MPZL1: variants seen among roughly 807,000 people sequenced by gnomAD.
The protein encoded by MPZL1 is myelin protein zero like 1.
In MPZL1, 16 loss-of-function variants were observed where a neutral mutation model predicts 29.3. The ratio of observed to expected loss-of-function variants is 0.55; its 90% CI spans 0.37 to 0.83. The LOEUF is 0.83. Among genes scored for constraint, MPZL1 ranks in the 40% least tolerant of loss-of-function variants. MPZL1 has a pLI of 0.00. For missense variants in MPZL1, 279 were observed against 332.9 expected (o/e 0.84, Z 1.26); for synonymous variants, 143 against 132.0 (o/e 1.08, Z -0.57).
intron 1 of MPZL1, among the ~76,000 whole-genome samples, chr1:167,728,579 A>G (rs1272524386): frequency 2.0e-5 from 3 of 152,234 alleles, no homozygotes; most frequent in East Asian, 1.9e-4. Context: ...TCTTGATCCC[A>G]TTAGGCCTTT....
intron 1 of MPZL1, among the ~76,000 whole-genome samples, chr1:167,739,284 T>TATATATATATATATATACACATATATAC (rs1660458035): frequency 1.4e-5 from 1 of 73,998 alleles, no homozygotes; most frequent in African/African-American, 5.4e-5. Flanking sequence ...CATATATACA[T>TATATATATATATATATACACATATATAC]ATATATATAT....
intron 5 of MPZL1, among the ~76,000 whole-genome samples, chr1:167,779,100 C>A (rs1661434351): frequency 6.7e-6 from 1 of 150,116 alleles, no homozygotes; most frequent in Non-Finnish European, 1.5e-5. Flanking sequence ...CCAGCCTGGG[C>A]AACAGAGCGA....
chr1:167,785,828 T>C (rs1661579329), intron 5 of MPZL1, among the ~76,000 whole-genome samples: 1 of 152,204 alleles, frequency 6.6e-6, no homozygotes, highest in African/African-American at 2.4e-5. Flanking sequence ...AGTCTCGCTT[T>C]GTCACCCGGG....
intron 1 of MPZL1, among the ~76,000 whole-genome samples, chr1:167,759,764 G>A (rs559201825): frequency 6.6e-6 from 1 of 152,226 alleles, no homozygotes; most frequent in African/African-American, 2.4e-5. Flanking sequence ...TGATTTCCTG[G>A]GATACCTTTG....
intron 1 of MPZL1, among the ~76,000 whole-genome samples, chr1:167,753,741 T>A (rs1218950367): frequency 1.3e-5 from 2 of 151,996 alleles, no homozygotes; most frequent in Admixed American, 6.6e-5. Context: ...GCGATTCTCC[T>A]ACCTCAGTCT....
intron 5 of MPZL1, among the ~76,000 whole-genome samples, chr1:167,783,459 CA>C (rs1350688165): frequency 2.0e-5 from 3 of 152,098 alleles, no homozygotes; most frequent in Admixed American, 6.5e-5. Context: ...GCTCTGTATG[CA>C]AAAGGTAGGT....
chr1:167,788,880 T>G lies in MPZL1; in HGVS notation c.*959T>G, dbSNP rs1661647286. The G allele has an allele frequency of 1.1e-4, 1 of 9,400 alleles. No individual in the cohort carries two copies. Among genetic ancestry groups the G allele is most frequent in the African/African-American group, 1.3e-3 (1 of 764 alleles). 0.6% of individuals were successfully genotyped at this position (9,400 alleles called of 1,614,324 possible). ...TCTCTAGAGAATCACCTTCTTTCGC[T>G]TTTTTTTTTTTTTTTGAGGTAGAGT... On this transcript the variant is annotated 3_prime_UTR_variant, in exon 6 of 6. Coordinates refer to ENST00000359523, the MANE Select transcript of MPZL1 (RefSeq NM_003953.6).
intron 1 of MPZL1, among the ~76,000 whole-genome samples, chr1:167,728,437 AC>A (rs1232396416): frequency 2.2e-5 from 3 of 137,082 alleles, no homozygotes; most frequent in African/African-American, 8.4e-5. Flanking sequence ...CGAACTCCTG[AC>A]CTCAGGTGAT....
At chr1:167,757,100 A>G (rs1416281072) in intron 1 of MPZL1, among the ~76,000 whole-genome samples, 1 of 152,222 alleles carries the variant, frequency 6.6e-6, no homozygotes, top group African/African-American at 2.4e-5. Context: ...TGTGCCATCC[A>G]GCCAAGAGAG....
chr1:167,739,282 C>CATAT (rs71959233), intron 1 of MPZL1, among the ~76,000 whole-genome samples: 2,542 of 90,330 alleles, frequency 0.028, 78 homozygotes, highest in African/African-American at 0.064. Context: ...TACATATATA[C>CATAT]ATATATATAT....
intron 1 of MPZL1, 45 bp from the exon 2 acceptor site, chr1:167,765,538 C>G (rs1392341608): frequency 2.0e-6 from 3 of 1,521,054 alleles, no homozygotes; most frequent in South Asian, 2.5e-5. Flanking sequence ...CAGTGGTATT[C>G]ATGTTAAGTC....
intron 1 of MPZL1, among the ~76,000 whole-genome samples, chr1:167,757,406 A>C (rs747772104): frequency 6.6e-6 from 1 of 152,194 alleles, no homozygotes; most frequent in East Asian, 1.9e-4. Flanking sequence ...TCTTTTTAAA[A>C]ATTTTTATTG....
At chr1:167,781,286 A>G (rs1661492074) in intron 5 of MPZL1, among the ~76,000 whole-genome samples, 1 of 152,180 alleles carries the variant, frequency 6.6e-6, no homozygotes, top group Admixed American at 6.5e-5. Context: ...CCTTCCATCA[A>G]GCGCAGAATT....
In MPZL1 at chr1:167,723,623, A is replaced by G. The variant is rs1660084922; in HGVS notation, c.91+1381A>G. Among the ~76,000 whole-genome samples, 7 of 152,246 alleles carry G rather than the reference A, an allele frequency of 4.6e-5. No individual in the cohort carries two copies. In the South Asian group the frequency reaches 1.4e-3, roughly 31 times the overall value. Reference sequence around the variant, plus strand: ...CATGAGAGGTCAGACATTGCTATGGAGGACAAAGCAGTTAGGGTGATCTTA... The same window carrying G: ...CATGAGAGGTCAGACATTGCTATGGGGGACAAAGCAGTTAGGGTGATCTTA... On this transcript the variant is annotated intron_variant, in intron 1 of 5. Coordinates refer to ENST00000359523, the MANE Select transcript of MPZL1 (RefSeq NM_003953.6).
At chr1:167,751,148 C>G (rs1660746530) in intron 1 of MPZL1, among the ~76,000 whole-genome samples, 1 of 152,092 alleles carries the variant, frequency 6.6e-6, no homozygotes, top group Non-Finnish European at 1.5e-5. Context: ...TTTTTTTCCC[C>G]TTTGTAATTA....
chr1:167,764,899 G>A (rs1661078997), intron 1 of MPZL1, among the ~76,000 whole-genome samples: 1 of 152,230 alleles, frequency 6.6e-6, no homozygotes, highest in Non-Finnish European at 1.5e-5. Context: ...AAGGCTACAT[G>A]CTGTATAATT....
At chr1:167,722,401 G>T (rs1660051370) in intron 1 of MPZL1, among the ~76,000 whole-genome samples, 159 bp downstream of exon 1, 1 of 152,206 alleles carries the variant, frequency 6.6e-6, no homozygotes. Flanking sequence ...CCAGCCCATG[G>T]GGAACGCGGG....
chr1:167,786,720 C>A (rs1661601018), intron 5 of MPZL1, among the ~76,000 whole-genome samples: 1 of 152,188 alleles, frequency 6.6e-6, no homozygotes, highest in African/African-American at 2.4e-5. Context: ...GTTGTTAGGG[C>A]TCCTGGATGA....
At chr1:167,730,478 C>T (rs1660239457) in intron 1 of MPZL1, among the ~76,000 whole-genome samples, 1 of 152,054 alleles carries the variant, frequency 6.6e-6, no homozygotes, top group Admixed American at 6.6e-5. Context: ...AGGGTTTCAC[C>T]ATGTTGGCCA....
Sources: gnomAD v4.1 joint callset for allele counts (sites outside exome capture counted in the v4.1 genomes callset) on GRCh38, gnomAD v4.1.1 for gene constraint, MANE v1.5 for transcripts, NCBI Gene and HGNC (gene_info 2026-07-23, HGNC 2026-07-21) for gene names.